Variants in FXYD5 observed in about 807,000 individuals in gnomAD.
The protein encoded by FXYD5 is FXYD domain containing ion transport regulator 5.
Under a neutral mutation model 25.7 loss-of-function variants are expected in FXYD5, and 21 were observed. The observed-to-expected ratio is 0.82, with a 90% CI of 0.58 to 1.18. The LOEUF (loss-of-function observed/expected upper bound fraction) is 1.18. Ranked by LOEUF, FXYD5 falls within the 50% of genes most tolerant of loss-of-function variation. The pLI is 0.00. For synonymous variants in FXYD5, 101 were observed against 90.7 expected (o/e 1.11, Z -0.64); for missense variants, 229 against 227.7 (o/e 1.01, Z -0.04).
At chr19:35,165,269 G>A (rs553021526) in intron 6 of FXYD5, among the ~76,000 whole-genome samples, 1 of 152,330 alleles carries the variant, frequency 6.6e-6, no homozygotes, top group East Asian at 1.9e-4. Context: ...TGTTTTTATG[G>A]TTGTTTCTTC....
At position 35,164,224 on chromosome 19, in the gene FXYD5, C is replaced by T. The variant is rs535139146; in HGVS notation, c.361C>T (p.Pro121Ser). Residue 121 changes from proline (P) to serine (S), a missense_variant, in exon 6 of 9, where the codon CCC becomes TCC. Pro to Ser is a moderately conservative substitution (Grantham distance 74). Transcript: ENST00000392219. Reference sequence around the variant, plus strand: ...CCCAAGCACAGACGTCCAGACAGACCCCCAGACCCTCAAGCCATCTGGTTA... The same window carrying T: ...CCCAAGCACAGACGTCCAGACAGACTCCCAGACCCTCAAGCCATCTGGTTA... Reference protein sequence around the residue: ...PSPSTDVQTDPQTLKPSGFHE... With the variant: ...PSPSTDVQTDSQTLKPSGFHE... 73 of 1,612,934 alleles carry T rather than the reference C, an allele frequency of 4.5e-5. No individual in the cohort carries two copies. Among genetic ancestry groups the T allele is most frequent in the Admixed American group, 2.0e-4 (12 of 59,742 alleles).
Position 35,157,512 on chromosome 19 carries a change from G to T in FXYD5, c.142+11G>T, listed in dbSNP as rs958262334. ...CGACACGAGCCCCAGGTGAGGAAAG[G>T]GACACATCTATCAAGATCCTGTCAT... On this transcript the variant is annotated intron_variant, in intron 3 of 8. Coordinates refer to ENST00000392219, the MANE Select transcript of FXYD5 (RefSeq NM_014164.6). The T allele has an allele frequency of 2.2e-6, 3 of 1,348,040 alleles. No individual in the cohort carries two copies. The highest frequency in any genetic ancestry group is 3.4e-5 in the Admixed American group (2 of 59,514). 83.5% of individuals were successfully genotyped at this position (1,348,040 alleles called of 1,614,324 possible).
chr19:35,165,493 G>A (rs190267465), intron 6 of FXYD5, among the ~76,000 whole-genome samples: 100 of 152,184 alleles, frequency 6.6e-4, no homozygotes, highest in African/African-American at 2.3e-3. Context: ...GATGACCAGA[G>A]GTCACTGTCA....
intron 8 of FXYD5, chr19:35,166,859 C>A (rs1412448023): frequency 1.3e-5 from 2 of 154,322 alleles, no homozygotes; most frequent in African/African-American, 4.8e-5. Flanking sequence ...GACATGGATA[C>A]TGACAGGGAG....
intron 6 of FXYD5, among the ~76,000 whole-genome samples, chr19:35,165,400 T>C (rs1358326737): frequency 6.6e-6 from 1 of 152,216 alleles, no homozygotes; most frequent in Non-Finnish European, 1.5e-5. Flanking sequence ...GATGTTGCCA[T>C]GGCATTTGAA....
In FXYD5 at chr19:35,157,439, C is replaced by A. The variant is rs1350487189; in HGVS notation, c.80C>A (p.Thr27Asn). The stretch of plus-strand genomic sequence containing the variant: ...TCCCCAGGACAGACGTTGAAAGATA[C>A]CACGTCCAGTTCTTCAGCAGACTCA... ...LPTRGQTLKD[T>N]TSSSSADSTI... Residue 27 changes from threonine (T) to asparagine (N), a missense_variant, in exon 3 of 9, where the codon ACC becomes AAC. Transcript: ENST00000392219. 2 of 1,593,202 alleles carry A rather than the reference C, an allele frequency of 1.3e-6. No individual in the cohort carries two copies. Among genetic ancestry groups the A allele is most frequent in the African/African-American group, 2.7e-5 (2 of 74,552 alleles).
chr19:35,159,512 CA>C, intron 4 of FXYD5: 1 of 1,550,192 alleles, frequency 6.5e-7, no homozygotes, highest in Non-Finnish European at 8.7e-7. Context: ...TGGTATTCCA[CA>C]AGGCGCCTAT....
Position 35,166,424 on chromosome 19 carries a change from A to G in FXYD5, c.487+99A>G, listed in dbSNP as rs979383623. 12 of 734,062 alleles carry G rather than the reference A, an allele frequency of 1.6e-5. No homozygotes were observed. In the African/African-American group the frequency reaches 2.1e-4, roughly 13 times the overall value. 45.5% of individuals were successfully genotyped at this position (734,062 alleles called of 1,614,324 possible). A position where few individuals can be genotyped will look rare whatever the true frequency, so the allele number is the denominator to read the frequency against. ...AGGTCCCTGGGCAATTTTGTTTTAA[A>G]TGAGGTATCTATTAGCTGCATATAC... On this transcript the variant is annotated intron_variant, in intron 8 of 8. Coordinates refer to ENST00000392219, the MANE Select transcript of FXYD5 (RefSeq NM_014164.6).
intron 5 of FXYD5, among the ~76,000 whole-genome samples, chr19:35,162,967 C>A (rs1330300536): frequency 6.6e-6 from 1 of 152,190 alleles, no homozygotes; most frequent in Non-Finnish European, 1.5e-5. Context: ...TCTGTGTATT[C>A]AGTCATTTGA....
rs1027336004 is a variant in FXYD5 at position 35,155,697 on chromosome 19, G to C, written c.61+86G>C. On this transcript the variant is annotated intron_variant, in intron 2 of 8. Transcript: ENST00000392219. Reference sequence around the variant, plus strand: ...GTGCTGCGGGGTGGGTGGTTGGCCCGTGTGAACGTTGTCCTGCCCTGTCAC... The same window carrying C: ...GTGCTGCGGGGTGGGTGGTTGGCCCCTGTGAACGTTGTCCTGCCCTGTCAC... 12 of 939,608 alleles carry C rather than the reference G, an allele frequency of 1.3e-5. No individual in the cohort carries two copies. The Admixed American group carries it at 1.4e-4, about 11-fold the overall frequency. 58.2% of individuals were successfully genotyped at this position (939,608 alleles called of 1,614,324 possible).
At chr19:35,157,875 G>A (rs2065371316) in intron 3 of FXYD5, among the ~76,000 whole-genome samples, 1 of 152,188 alleles carries the variant, frequency 6.6e-6, no homozygotes, top group African/African-American at 2.4e-5. Flanking sequence ...GTATCCCTGA[G>A]CTGGCCACTG....
rs1194456342 is a variant in FXYD5, at chr19:35,169,691, C to T, written c.*76C>T. ...CCCCTGCCAGCTCACCGTGCCCAGCCTCCTGCATCCCCTCGAAGAGCCTGG... is the reference window on the plus strand; with the variant it reads ...CCCCTGCCAGCTCACCGTGCCCAGCTTCCTGCATCCCCTCGAAGAGCCTGG... On this transcript the variant is annotated 3_prime_UTR_variant, in exon 9 of 9. Transcript: ENST00000392219. 1.1e-6 allele frequency: 1 copy of T among 908,590 alleles called. No individual in the cohort carries two copies. The highest frequency in any genetic ancestry group is 1.8e-6 in the Non-Finnish European group (1 of 543,926). The allele number at this position is 908,590 out of a possible 1,614,324, so 56.3% of individuals were successfully genotyped here.
intron 4 of FXYD5, chr19:35,159,667 G>A (rs2145415496): frequency 6.5e-7 from 1 of 1,533,784 alleles, no homozygotes; most frequent in Non-Finnish European, 8.8e-7. Flanking sequence ...ACTATGTGCT[G>A]GTCATGGTTC....
intron 6 of FXYD5, among the ~76,000 whole-genome samples, chr19:35,165,145 G>A (rs1490121455): frequency 6.6e-6 from 1 of 152,194 alleles, no homozygotes; most frequent in African/African-American, 2.4e-5. Context: ...AGAAAGGGCT[G>A]TTGGATCTTG....
intron 5 of FXYD5, among the ~76,000 whole-genome samples, chr19:35,163,799 T>C (rs1030330185): frequency 6.6e-6 from 1 of 152,132 alleles, no homozygotes; most frequent in Non-Finnish European, 1.5e-5. Flanking sequence ...CAGAATGTTT[T>C]ACAAGTTTCT....
chr19:35,156,170 G>A (rs1018189390), intron 2 of FXYD5, among the ~76,000 whole-genome samples: 10 of 152,216 alleles, frequency 6.6e-5, no homozygotes, highest in Non-Finnish European at 1.5e-4. Context: ...TACTGATGAG[G>A]AAACTGAGGC....
At chr19:35,156,945 G>T (rs1236967198) in intron 2 of FXYD5, 1 of 155,828 alleles carries the variant, frequency 6.4e-6, no homozygotes, top group Non-Finnish European at 1.4e-5. Context: ...CAGGATGGGG[G>T]CAGTGGAGTT....
At chr19:35,165,744 T>C (rs750116584) in intron 6 of FXYD5, among the ~76,000 whole-genome samples, 9 of 152,074 alleles carry the variant, frequency 5.9e-5, no homozygotes, top group Non-Finnish European at 1.2e-4. Flanking sequence ...TGGGGACATT[T>C]TGGATTTTGG....
At chr19:35,167,562 A>T (rs866163588) in intron 8 of FXYD5, among the ~76,000 whole-genome samples, 2 of 152,344 alleles carry the variant, frequency 1.3e-5, no homozygotes. Flanking sequence ...AGAGAAACTA[A>T]TTTTTTAAAA....
Sources: gnomAD v4.1 joint callset for allele counts (sites outside exome capture counted in the v4.1 genomes callset) on GRCh38, gnomAD v4.1.1 for gene constraint, MANE v1.5 for transcripts, NCBI Gene and HGNC (gene_info 2026-07-23, HGNC 2026-07-21) for gene names.